The following SOBP variants were observed in gnomAD, a reference collection of about 807,000 sequenced individuals.
The protein encoded by SOBP is sine oculis binding protein homolog, also known as sine oculis-binding protein homolog.
Under a neutral mutation model 53.6 loss-of-function variants are expected in SOBP, and 4 were observed. The observed-to-expected ratio is 0.07, with a 90% CI of 0.04 to 0.17. The LOEUF is 0.17. SOBP is among the 10% of genes least tolerant of loss of function. The pLI, the probability that SOBP is intolerant of heterozygous loss-of-function variation, is 1.00. For missense variants in SOBP, 1,088 were observed against 1,204.7 expected, an observed-to-expected ratio of 0.90 and a Z score of 1.43; for synonymous variants, 584 against 522.6, an observed-to-expected ratio of 1.12 and a Z score of -1.60.
At chr6:107,629,627 C>T (rs1371738760) in intron 5 of SOBP, among the ~76,000 whole-genome samples, 2 of 152,202 alleles carry the variant, frequency 1.3e-5, no homozygotes, top group Non-Finnish European at 2.9e-5. Flanking sequence ...ACAAGTCGTG[C>T]CTTTCGGCTT....
chr6:107,572,545 C>A (rs1272826479), intron 4 of SOBP, among the ~76,000 whole-genome samples: 1 of 152,194 alleles, frequency 6.6e-6, no homozygotes, highest in Non-Finnish European at 1.5e-5. Flanking sequence ...CTCAAGCAAT[C>A]CACCCACCTC....
At chr6:107,545,961 G>A (rs966794183) in intron 4 of SOBP, among the ~76,000 whole-genome samples, 21 of 152,216 alleles carry the variant, frequency 1.4e-4, no homozygotes, top group African/African-American at 5.1e-4. Context: ...ATACCTCTGA[G>A]CCAAAAACAA....
At chr6:107,546,250 G>A (rs1277660163) in intron 4 of SOBP, among the ~76,000 whole-genome samples, 1 of 152,170 alleles carries the variant, frequency 6.6e-6, no homozygotes, top group Non-Finnish European at 1.5e-5. Context: ...TGGGCAATTG[G>A]GAGTAGCTTC....
chr6:107,552,121 A>G (rs960857770), intron 4 of SOBP, among the ~76,000 whole-genome samples: 3 of 152,340 alleles, frequency 2.0e-5, no homozygotes, highest in South Asian at 4.1e-4. Flanking sequence ...TGTCATTATC[A>G]TGGTAGGTTG....
intron 1 of SOBP, 66 bp from the exon 2 acceptor site, chr6:107,503,590 AT>A (rs2114944881): frequency 6.5e-7 from 1 of 1,545,046 alleles, no homozygotes; most frequent in Non-Finnish European, 8.9e-7. Context: ...GCAGAATTCA[AT>A]TTATGCATTC....
chr6:107,495,008 T>C (rs955392810), intron 1 of SOBP, among the ~76,000 whole-genome samples: 2 of 152,196 alleles, frequency 1.3e-5, no homozygotes, highest in African/African-American at 4.8e-5. Flanking sequence ...AAGTTTAAGT[T>C]TGAAATTGGC....
In SOBP at chr6:107,633,705, A is replaced by C; in HGVS notation, c.861A>C (p.Ala287=). Residue 287 remains alanine, a synonymous_variant, in exon 6 of 7, where the codon GCA becomes GCC. Coordinates refer to ENST00000317357, the MANE Select transcript of SOBP (RefSeq NM_018013.4). ...TACACCCTCCCATGGAAAATAAAGC[A>C]GAAGGCACCGGGGTGCAGCTGCTCA... ...STLHPPMENK[A]EGTGVQLLTP... is the part of the protein sequence containing the mutation. 1 of 1,614,238 alleles carries C rather than the reference A, an allele frequency of 6.2e-7. No homozygotes were observed. Among genetic ancestry groups the C allele is most frequent in the African/African-American group, 1.3e-5 (1 of 75,056 alleles).
intron 3 of SOBP, 114 bp from the exon 4 acceptor site, chr6:107,533,345 C>T (rs117523142): frequency 0.019 from 16,336 of 862,308 alleles, 311 homozygotes; most frequent in East Asian, 0.092. Flanking sequence ...ACTTCTTCTC[C>T]AAGGTCCAGA....
intron 3 of SOBP, among the ~76,000 whole-genome samples, chr6:107,524,052 G>A (rs553853940): frequency 1.2e-4 from 18 of 152,378 alleles, no homozygotes; most frequent in Admixed American, 3.9e-4. Context: ...TCAGATCTCA[G>A]AAGGGGAAAT....
chr6:107,627,436 G>A (rs1255016511), intron 5 of SOBP, among the ~76,000 whole-genome samples: 1 of 152,174 alleles, frequency 6.6e-6, no homozygotes, highest in Non-Finnish European at 1.5e-5. Flanking sequence ...TGTGACCTGG[G>A]CCAAGATTTC....
intron 5 of SOBP, among the ~76,000 whole-genome samples, chr6:107,617,820 C>CTTTT (rs71551315): frequency 2.2e-4 from 22 of 101,186 alleles, no homozygotes; most frequent in Non-Finnish European, 2.8e-4. Context: ...TGTATGACTC[C>CTTTT]TTTTTTTTTT....
At chr6:107,570,639 G>A (rs1290910214) in intron 4 of SOBP, among the ~76,000 whole-genome samples, 3 of 152,234 alleles carry the variant, frequency 2.0e-5, no homozygotes, top group Non-Finnish European at 4.4e-5. Context: ...AAGCCATGGG[G>A]CAGCCACTTC....
At chr6:107,609,253 A>G (rs911925316) in intron 5 of SOBP, among the ~76,000 whole-genome samples, 1 of 152,246 alleles carries the variant, frequency 6.6e-6, no homozygotes, top group Admixed American at 6.5e-5. Flanking sequence ...GATTAACAGT[A>G]ACTGTAAATA....
intron 6 of SOBP, among the ~76,000 whole-genome samples, chr6:107,652,791 T>G (rs1201194609): frequency 6.6e-6 from 1 of 151,772 alleles, no homozygotes; most frequent in East Asian, 1.9e-4. Flanking sequence ...GCCGTCAGTA[T>G]CAAGGCAAGA....
At chr6:107,648,791 T>C (rs1386909930) in intron 6 of SOBP, among the ~76,000 whole-genome samples, 1 of 152,188 alleles carries the variant, frequency 6.6e-6, no homozygotes, top group South Asian at 2.1e-4. Context: ...GCAAAGTTAT[T>C]CATCTGTAAA....
At chr6:107,562,947 T>C (rs1362501348) in intron 4 of SOBP, among the ~76,000 whole-genome samples, 1 of 152,230 alleles carries the variant, frequency 6.6e-6, no homozygotes, top group Non-Finnish European at 1.5e-5. Context: ...GGAAATTCAC[T>C]GTTATCTCTA....
At chr6:107,589,367 C>T (rs1003428670) in intron 5 of SOBP, among the ~76,000 whole-genome samples, 3 of 152,156 alleles carry the variant, frequency 2.0e-5, no homozygotes, top group Non-Finnish European at 4.4e-5. Context: ...CGGGACATTG[C>T]CTTGACTTTA....
chr6:107,501,372 T>G lies in SOBP; in HGVS notation c.97-2285T>G, dbSNP rs76822906. ...AAATCTATATCCTTGGCTAGGGGGT[T>G]GCTCCATGATTATGCATTCGTAGCC... is the stretch of plus-strand genomic sequence containing the variant. On this transcript the variant is annotated intron_variant, in intron 1 of 6. Coordinates refer to ENST00000317357, the MANE Select transcript of SOBP (RefSeq NM_018013.4). Among the ~76,000 whole-genome samples, 4 of 152,348 alleles carry G rather than the reference T, an allele frequency of 2.6e-5. No homozygotes were observed. In the East Asian group the frequency reaches 7.7e-4, roughly 29 times the overall value.
intron 5 of SOBP, among the ~76,000 whole-genome samples, chr6:107,614,994 A>G (rs1786733965): frequency 6.6e-6 from 1 of 152,206 alleles, no homozygotes; most frequent in South Asian, 2.1e-4. Context: ...ATAACTGTGT[A>G]CTGCTCTGAC....
Sources: gnomAD v4.1 joint callset for allele counts (sites outside exome capture counted in the v4.1 genomes callset) on GRCh38, gnomAD v4.1.1 for gene constraint, MANE v1.5 for transcripts, NCBI Gene and HGNC (gene_info 2026-07-23, HGNC 2026-07-21) for gene names.